Variants in NDUFA10 observed in about 807,000 individuals in gnomAD.
The protein encoded by NDUFA10 is NADH:ubiquinone oxidoreductase subunit A10.
NDUFA10 carries 40 observed loss-of-function variants against 47.8 expected under a neutral mutation model. The observed-to-expected ratio is 0.84, with a 90% CI of 0.65 to 1.09. The LOEUF is 1.09. NDUFA10 is among the 50% of genes least tolerant of loss of function. The probability of loss-of-function intolerance (pLI) is 0.00; values close to 1 mark genes in which losing one functional copy is unlikely to be tolerated. For missense variants in NDUFA10, 413 were observed against 451.1 expected, an observed-to-expected ratio of 0.92 and a Z score of 0.76; for synonymous variants, 183 against 172.2, an observed-to-expected ratio of 1.06 and a Z score of -0.49.
chr2:239,953,265 G>A (rs1347754878), downstream of NDUFA10, among the ~76,000 whole-genome samples: 1 of 152,156 alleles, frequency 6.6e-6, no homozygotes, highest in East Asian at 1.9e-4. Flanking sequence ...GACCATATAC[G>A]CAGGCAGCCT....
At position 240,022,271 on chromosome 2, in the gene NDUFA10, C is replaced by CTAAA; in HGVS notation, c.144_145insTTTA (p.Ala49PhefsTer41). ...CTGCGTTCTGTCAGTCTTTTGCTTG[C>CTAAA]TTTATCCCCAAGTAGGAAATGCCAC... On this transcript the variant is annotated frameshift_variant, in exon 2 of 10. Coordinates refer to ENST00000252711, the MANE Select transcript of NDUFA10 (RefSeq NM_004544.4). LOFTEE classifies it high-confidence loss of function. The CTAAA allele has an allele frequency of 6.2e-7, 1 of 1,614,120 alleles. No homozygotes were observed. The highest frequency in any genetic ancestry group is 8.5e-7 in the Non-Finnish European group (1 of 1,180,038).
chr2:240,015,197 C>A, intron 4 of NDUFA10, among the ~76,000 whole-genome samples: 1 of 152,208 alleles, frequency 6.6e-6, no homozygotes, highest in East Asian at 1.9e-4. Context: ...AAACTGTGAC[C>A]TTAATCATCC....
At chr2:239,900,315 CATATATATATATATATATAT>C (rs142452963) in intron 4 of NDUFA10, among the ~76,000 whole-genome samples, 2 of 142,640 alleles carry the variant, frequency 1.4e-5, no homozygotes, top group African/African-American at 2.6e-5. Context: ...AACTCCCCTT[CATATATATATATATATATAT>C]ATATATATAT....
chr2:240,018,323 A>T, intron 4 of NDUFA10: 8 of 1,309,782 alleles, frequency 6.1e-6, no homozygotes, highest in Non-Finnish European at 8.4e-6. Context: ...CCAGGGCTCC[A>T]ATCTGCTTTC....
At chr2:239,942,496 C>T (rs942547387) in intron 4 of NDUFA10, among the ~76,000 whole-genome samples, 12 of 152,212 alleles carry the variant, frequency 7.9e-5, no homozygotes, top group Non-Finnish European at 2.9e-5. Context: ...GACACTGTTT[C>T]GGTTCTGTTT....
chr2:239,979,978 C>T (rs996812244), intron 9 of NDUFA10, among the ~76,000 whole-genome samples: 3 of 151,940 alleles, frequency 2.0e-5, no homozygotes, highest in African/African-American at 4.8e-5. Flanking sequence ...TGCTCCCCTA[C>T]ACCCCCACAT....
intron 8 of NDUFA10, among the ~76,000 whole-genome samples, chr2:239,992,737 G>C (rs1254115745): frequency 6.6e-6 from 1 of 152,164 alleles, no homozygotes; most frequent in African/African-American, 2.4e-5. Flanking sequence ...CAGTCAGTTA[G>C]GGATGTGGAT....
chr2:239,985,411 C>G (rs1338961211), intron 9 of NDUFA10, among the ~76,000 whole-genome samples: 2 of 151,054 alleles, frequency 1.3e-5, no homozygotes. Context: ...TTAGAACGAG[C>G]TGAAAGGATG....
intron 4 of NDUFA10, among the ~76,000 whole-genome samples, chr2:239,915,825 C>T (rs111067626): frequency 0.15 from 22,554 of 150,120 alleles, 1,569 homozygotes; most frequent in African/African-American, 0.17. Context: ...CAGAGATACA[C>T]AAACACACAC....
chr2:239,956,627 C>G (rs1199387862), downstream of NDUFA10, among the ~76,000 whole-genome samples: 1 of 152,180 alleles, frequency 6.6e-6, no homozygotes, highest in Non-Finnish European at 1.5e-5. Flanking sequence ...GAGGGCAGAC[C>G]AGTGGAAATG....
Position 239,987,327 on chromosome 2 carries a change from G to A in NDUFA10, c.999+2747C>T, listed in dbSNP as rs1696040386. ...ATTCTCAAACCAGGCGCTGTGCATC[G>A]ACAGGAGGACTCGCTCGAATGCGTG... On this transcript the variant is annotated intron_variant, in intron 9 of 9. Transcript: ENST00000252711. The surrounding 1 kb of genome is among the most constrained non-coding windows in gnomAD (Gnocchi z 4.8). 1.3e-5 allele frequency among the ~76,000 whole-genome samples: 2 copies of A among 151,744 alleles called. No homozygotes were observed. The highest frequency in any genetic ancestry group is 4.2e-4 in the South Asian group (2 of 4,780).
chr2:239,947,378 T>C (rs1487971784), intron 4 of NDUFA10, among the ~76,000 whole-genome samples: 3 of 152,336 alleles, frequency 2.0e-5, no homozygotes, highest in South Asian at 4.1e-4. Flanking sequence ...GCTCAGTGAC[T>C]GTCCTGTGTG....
At position 239,979,878 on chromosome 2, in the gene NDUFA10, A is replaced by G. The variant is rs149846707; in HGVS notation, c.999+10196T>C. 1.7e-4 allele frequency among the ~76,000 whole-genome samples: 26 copies of G among 152,004 alleles called. 1 individual carries two copies. In the East Asian group the frequency reaches 5.0e-3, roughly 30 times the overall value. On this transcript the variant is annotated intron_variant, in intron 9 of 9. Transcript: ENST00000252711. ...GCCTTTTCAGCTCACTCCCTGCTCA[A>G]GCTCACCCCACCCGCATCACACCTC...
At chr2:239,921,308 C>T (rs1349870412) in intron 4 of NDUFA10, among the ~76,000 whole-genome samples, 1 of 151,770 alleles carries the variant, frequency 6.6e-6, no homozygotes, top group African/African-American at 2.4e-5. Context: ...AGTGTTATAG[C>T]TCTTAAAGGT....
intron 8 of NDUFA10, among the ~76,000 whole-genome samples, chr2:240,002,147 T>C (rs1696745442): frequency 6.6e-6 from 1 of 151,982 alleles, no homozygotes; most frequent in South Asian, 2.1e-4. Context: ...CTGCCCAACA[T>C]GGCGAAACCC....
intron 9 of NDUFA10, among the ~76,000 whole-genome samples, chr2:239,980,732 G>C (rs576014935): frequency 6.6e-6 from 1 of 152,340 alleles, no homozygotes; most frequent in African/African-American, 2.4e-5. Context: ...ATCACAAAGG[G>C]CTAAGAAGGA....
intron 7 of NDUFA10, 34 bp from the exon 8 acceptor site, chr2:240,005,329 A>G: frequency 6.5e-7 from 1 of 1,539,556 alleles, no homozygotes; most frequent in Non-Finnish European, 9.0e-7. Context: ...TAAACAGAGA[A>G]CCCCATTTTA....
intron 6 of NDUFA10, among the ~76,000 whole-genome samples, chr2:240,010,969 CTTCAA>C: frequency 6.6e-6 from 1 of 152,264 alleles, no homozygotes; most frequent in Middle Eastern, 3.4e-3. Context: ...GTATAAAAAT[CTTCAA>C]TTCAAGCATT....
intron 4 of NDUFA10, among the ~76,000 whole-genome samples, chr2:239,915,055 A>G: frequency 6.8e-6 from 1 of 148,102 alleles, no homozygotes; most frequent in Non-Finnish European, 1.5e-5. Flanking sequence ...ACACATACAC[A>G]GACACACACA....
Sources: gnomAD v4.1 joint callset for allele counts (sites outside exome capture counted in the v4.1 genomes callset) on GRCh38, gnomAD v4.1.1 for gene constraint, Gnocchi (gnomAD v3.1) non-coding constraint, MANE v1.5 for transcripts, NCBI Gene and HGNC (gene_info 2026-07-23, HGNC 2026-07-21) for gene names.